Variants in DZIP1L observed in about 807,000 individuals in gnomAD.
DZIP1L encodes cilium assembly protein DZIP1L.
Under a neutral mutation model 88.7 loss-of-function variants are expected in DZIP1L, and 90 were observed. The observed-to-expected ratio is 1.02, with a 90% confidence interval of 0.86 to 1.21. The LOEUF is 1.21. DZIP1L is among the 50% of genes most tolerant of loss of function. The pLI is 0.00. For missense variants in DZIP1L, 932 were observed against 955.8 expected (o/e 0.98, Z 0.33); for synonymous variants, 363 against 372.1 (o/e 0.98, Z 0.28).
At chr3:138,084,274 G>T in intron 7 of DZIP1L, 21 bp from the exon 8 acceptor site, 1 of 1,611,128 alleles carries the variant, frequency 6.2e-7, no homozygotes, top group Admixed American at 1.7e-5. Flanking sequence ...CAAGATGGCT[G>T]GTCAGTCAAA....
intron 1 of DZIP1L, among the ~76,000 whole-genome samples, chr3:138,109,369 C>A (rs1214855044): frequency 1.3e-5 from 2 of 152,150 alleles, no homozygotes; most frequent in Non-Finnish European, 2.9e-5. Flanking sequence ...AGATTCACAC[C>A]CAGGCAGCCT....
chr3:138,079,369 G>A (rs531799682), intron 10 of DZIP1L, among the ~76,000 whole-genome samples: 2 of 152,186 alleles, frequency 1.3e-5, no homozygotes, highest in Non-Finnish European at 2.9e-5. Flanking sequence ...GAGGGTAGGC[G>A]GAGGCAGTAG....
In DZIP1L at chr3:138,115,503, G is replaced by A. The variant is rs1263911629; in HGVS notation, c.-257C>T. ...TGCTTCCCCAGCCCCACGCAGTCCG[G>A]GCGCTCTCTGCGGCGGAGGCAGAGC... On this transcript the variant is annotated 5_prime_UTR_variant, in exon 1 of 16. Coordinates refer to ENST00000327532, the MANE Select transcript of DZIP1L (RefSeq NM_173543.3). The A allele has an allele frequency of 6.6e-6, 1 of 152,358 alleles. No individual in the cohort carries two copies. The highest frequency in any genetic ancestry group is 1.5e-5 in the Non-Finnish European group (1 of 68,154). 9.4% of individuals were successfully genotyped at this position (152,358 alleles called of 1,614,324 possible).
Position 138,107,249 on chromosome 3 carries a change from A to T in DZIP1L, c.-81-3197T>A, listed in dbSNP as rs377712666. Among the ~76,000 whole-genome samples the T allele has an allele frequency of 8.5e-5, 13 of 152,328 alleles. No homozygotes were observed. In the East Asian group the frequency reaches 1.9e-3, roughly 23 times the overall value. On this transcript the variant is annotated intron_variant, in intron 1 of 15. Transcript: ENST00000327532. ...ACATTTAAGAGGTGATTAAGTCACG[A>T]AGACTCTGCCCTCATGAATGGATGA...
intron 2 of DZIP1L, chr3:138,102,014 C>T: frequency 6.7e-7 from 1 of 1,487,486 alleles, no homozygotes; most frequent in Non-Finnish European, 9.3e-7. Context: ...TCTTTGTATG[C>T]TGCAGGTCAT....
At chr3:138,068,585 G>C (rs573054827) in intron 12 of DZIP1L, among the ~76,000 whole-genome samples, 1 of 152,296 alleles carries the variant, frequency 6.6e-6, no homozygotes, top group East Asian at 1.9e-4. Flanking sequence ...CAGAGACCAG[G>C]AGAGCAGCTG....
chr3:138,095,700 T>C lies in DZIP1L; in HGVS notation c.587-717A>G, dbSNP rs376134139. Among the ~76,000 whole-genome samples the C allele has an allele frequency of 5.9e-5, 9 of 152,154 alleles. 1 individual carries two copies. The East Asian group carries it at 1.7e-3, about 29-fold the overall frequency. ...AGGAGGCTGAGGCAAAAGAATCGCTTGAACCCAGGAGGCGGAGGTTGCAGT... is the reference window on the plus strand; with the variant it reads ...AGGAGGCTGAGGCAAAAGAATCGCTCGAACCCAGGAGGCGGAGGTTGCAGT... On this transcript the variant is annotated intron_variant, in intron 3 of 15. Coordinates refer to ENST00000327532, the MANE Select transcript of DZIP1L (RefSeq NM_173543.3).
At chr3:138,095,633 T>A (rs1944436627) in intron 3 of DZIP1L, among the ~76,000 whole-genome samples, 1 of 151,992 alleles carries the variant, frequency 6.6e-6, no homozygotes, top group South Asian at 2.1e-4. Context: ...ACAAAAAAAA[T>A]TAGCCGGGTG....
At chr3:138,075,222 G>C (rs1943349185) in intron 11 of DZIP1L, among the ~76,000 whole-genome samples, 1 of 152,176 alleles carries the variant, frequency 6.6e-6, no homozygotes, top group African/African-American at 2.4e-5. Flanking sequence ...TTTCAAGACT[G>C]CACTGACAGT....
At chr3:138,107,824 C>T (rs2042539681) in intron 1 of DZIP1L, among the ~76,000 whole-genome samples, 1 of 152,154 alleles carries the variant, frequency 6.6e-6, no homozygotes, top group South Asian at 2.1e-4. Flanking sequence ...AGCATGGCTC[C>T]CTATTCCCAC....
At chr3:138,088,631 G>C (rs1944063427) in intron 5 of DZIP1L, 124 bp from the exon 6 acceptor site, 1 of 1,393,668 alleles carries the variant, frequency 7.2e-7, no homozygotes, top group African/African-American at 1.4e-5. Context: ...ATCCTCACTA[G>C]ATACCTACTC....
chr3:138,069,072 C>G, intron 12 of DZIP1L: 1 of 1,084,588 alleles, frequency 9.2e-7, no homozygotes, highest in East Asian at 2.9e-5. Flanking sequence ...TGGGGTTGAA[C>G]AGCCATGGGT....
At chr3:138,081,793 C>A in intron 8 of DZIP1L, 29 bp from the exon 9 acceptor site, 1 of 1,611,194 alleles carries the variant, frequency 6.2e-7, no homozygotes, top group Middle Eastern at 1.7e-4. Context: ...GAGCGGGTTA[C>A]AACCAGCAGA....
In DZIP1L at chr3:138,063,334, G is replaced by T. The variant is rs896024641; in HGVS notation, c.2143-357C>A. On this transcript the variant is annotated intron_variant, in intron 15 of 15. Coordinates refer to ENST00000327532, the MANE Select transcript of DZIP1L (RefSeq NM_173543.3). This position sits in a 1 kb window ranked among gnomAD's most constrained non-coding sequence, Gnocchi z 4.1. Reference sequence around the variant, plus strand: ...GAGCCAGAAGCCCAGAAACTCGACTGTTCCAAGTTCGCGAGCTGAATGCAC... The same window carrying T: ...GAGCCAGAAGCCCAGAAACTCGACTTTTCCAAGTTCGCGAGCTGAATGCAC... Among the ~76,000 whole-genome samples, 4 of 152,202 alleles carry T rather than the reference G, an allele frequency of 2.6e-5. No homozygotes were observed. The highest frequency in any genetic ancestry group is 1.3e-4 in the Admixed American group (2 of 15,270).
At chr3:138,071,588 C>A in intron 12 of DZIP1L, 55 bp downstream of exon 12, 1 of 1,548,860 alleles carries the variant, frequency 6.5e-7, no homozygotes. Context: ...CAAGTTTTGG[C>A]AAGAATGGGA....
In DZIP1L at chr3:138,084,172, T is replaced by C. The variant is rs909678216; in HGVS notation, c.1144A>G (p.Ser382Gly). The change falls in exon 8 of 16, where the codon AGC (serine) becomes GGC (glycine). Residue 382 changes from serine to glycine, a missense_variant. Ser to Gly is a moderately conservative substitution (Grantham distance 56). Transcript: ENST00000327532. The stretch of plus-strand genomic sequence containing the variant: ...TCCTGCAGCTGGGCACGGAGGGTGC[T>C]GATCTGGCACTGGGACTGGGCAGCT... ...KAAAQSQCQISTLRAQLQEQA... is the reference protein window; with the variant it reads ...KAAAQSQCQIGTLRAQLQEQA... 1 of 1,614,068 alleles carries C rather than the reference T, an allele frequency of 6.2e-7. No individual in the cohort carries two copies. The highest frequency in any genetic ancestry group is 1.3e-5 in the African/African-American group (1 of 74,938).
At chr3:138,088,325 G>A (rs965701830) in intron 6 of DZIP1L, 54 bp downstream of exon 6, 1 of 1,538,694 alleles carries the variant, frequency 6.5e-7, no homozygotes, top group African/African-American at 1.4e-5. Context: ...TATATTGGAA[G>A]AGAAGATGGC....
intron 10 of DZIP1L, 104 bp from the exon 11 acceptor site, chr3:138,077,736 C>T (rs1943480198): frequency 7.3e-6 from 11 of 1,513,254 alleles, no homozygotes; most frequent in Non-Finnish European, 9.8e-6. Flanking sequence ...GAATCCTGGT[C>T]GGTTAACTCA....
intron 12 of DZIP1L, among the ~76,000 whole-genome samples, chr3:138,069,437 T>C (rs1418754549): frequency 6.6e-6 from 1 of 152,150 alleles, no homozygotes; most frequent in Non-Finnish European, 1.5e-5. Flanking sequence ...TTCAACTGCA[T>C]GGGGGGTTTG....
Sources: allele counts gnomAD v4.1 joint callset (sites outside exome capture counted in the v4.1 genomes callset), GRCh38; gene constraint gnomAD v4.1.1; non-coding constraint Gnocchi (gnomAD v3.1); transcripts MANE v1.5; gene names NCBI Gene and HGNC (gene_info 2026-07-23, HGNC 2026-07-21).